The following NACC2 variants were observed in gnomAD, a reference collection of about 807,000 sequenced individuals.
NACC2 encodes the protein nucleus accumbens-associated protein 2.
In NACC2, 8 loss-of-function variants were observed where a neutral mutation model predicts 25.1. The ratio of observed to expected loss-of-function variants is 0.32; its 90% CI spans 0.19 to 0.57. The LOEUF is 0.57. Ranked by LOEUF, NACC2 falls within the 20% of genes least tolerant of loss-of-function variation. The pLI is 0.89. For missense variants in NACC2, 644 were observed against 650.2 expected (o/e 0.99, Z 0.10); for synonymous variants, 435 against 294.7 (o/e 1.48, Z -4.88).
At chr9:136,077,783 A>G (rs908245114) in intron 1 of NACC2, among the ~76,000 whole-genome samples, 1 of 152,232 alleles carries the variant, frequency 6.6e-6, no homozygotes, top group African/African-American at 2.4e-5. Flanking sequence ...GCTTAAAATT[A>G]TTTATAAAGT....
intron 2 of NACC2, among the ~76,000 whole-genome samples, chr9:136,031,831 C>T (rs1840478620): frequency 6.6e-6 from 1 of 152,236 alleles, no homozygotes; most frequent in African/African-American, 2.4e-5. Context: ...ACCGATTTAA[C>T]CCACATGGCT....
At position 136,022,616 on chromosome 9, in the gene NACC2, G is replaced by A. The variant is rs1244254959; in HGVS notation, c.887-6187C>T. On this transcript the variant is annotated intron_variant, in intron 2 of 5. Coordinates refer to ENST00000277554, the MANE Select transcript of NACC2 (RefSeq NM_144653.5). The surrounding 1 kb of genome is among the most constrained non-coding windows in gnomAD (Gnocchi z 4.4). ...CCAGTGAGCCTGTTCTGGGTCCAGT[G>A]CTTCTGGCAGTGAGGGGGGCTCACC... 1.3e-5 allele frequency among the ~76,000 whole-genome samples: 2 copies of A among 152,178 alleles called. No homozygotes were observed. Among genetic ancestry groups the A allele is most frequent in the East Asian group, 3.9e-4 (2 of 5,182 alleles).
At chr9:136,043,907 C>A (rs1356038747) in intron 2 of NACC2, among the ~76,000 whole-genome samples, 1 of 152,150 alleles carries the variant, frequency 6.6e-6, no homozygotes, top group African/African-American at 2.4e-5. Context: ...CTCACTGCAG[C>A]CTCTGCCTCC....
At position 136,055,727 on chromosome 9, in the gene NACC2, C is replaced by T. The variant is rs1330672068; in HGVS notation, c.-59-5147G>A. ...GTTCTGGACCTCAGCAAATGCACAG[C>T]CATTAAACACGTGGTAGAGGAAGGA... On this transcript the variant is annotated intron_variant, in intron 1 of 5. Transcript: ENST00000277554. The surrounding 1 kb of genome is among the most constrained non-coding windows in gnomAD (Gnocchi z 4.9). 1.3e-5 allele frequency among the ~76,000 whole-genome samples: 2 copies of T among 152,176 alleles called. No homozygotes were observed. Among genetic ancestry groups the T allele is most frequent in the South Asian group, 4.1e-4 (2 of 4,834 alleles).
intron 2 of NACC2, among the ~76,000 whole-genome samples, chr9:136,047,215 A>ACACGGAGGG (rs1305138142): frequency 9.2e-5 from 14 of 152,270 alleles, no homozygotes; most frequent in Admixed American, 5.2e-4. Flanking sequence ...CGAGCCCGGG[A>ACACGGAGGG]CACGGAGGGC....
At position 136,084,607 on chromosome 9, in the gene NACC2, G is replaced by T. The variant is rs1476893951; in HGVS notation, c.-60+10582C>A. ...ATACACCAGGCTGGAAGAGCCCAGA[G>T]ACACAGCAAGACTCAAACAGACGCG... On this transcript the variant is annotated intron_variant, in intron 1 of 5. Coordinates refer to ENST00000277554, the MANE Select transcript of NACC2 (RefSeq NM_144653.5). This position sits in a 1 kb window ranked among gnomAD's most constrained non-coding sequence, Gnocchi z 5.1. Among the ~76,000 whole-genome samples the T allele has an allele frequency of 6.6e-6, 1 of 152,222 alleles. No homozygotes were observed. The highest frequency in any genetic ancestry group is 1.5e-5 in the Non-Finnish European group (1 of 68,042).
At chr9:136,041,790 T>C (rs1465698571) in intron 2 of NACC2, among the ~76,000 whole-genome samples, 1 of 152,190 alleles carries the variant, frequency 6.6e-6, no homozygotes, top group Non-Finnish European at 1.5e-5. Context: ...CATCTATGAA[T>C]GACATCCATA....
chr9:136,059,921 C>T (rs1840984515), intron 1 of NACC2, among the ~76,000 whole-genome samples: 1 of 152,242 alleles, frequency 6.6e-6, no homozygotes, highest in Non-Finnish European at 1.5e-5. Context: ...GATGTCCTGA[C>T]CAGCAGAGAG....
intron 5 of NACC2, 146 bp from the exon 6 acceptor site, chr9:136,012,170 G>A: frequency 9.6e-7 from 1 of 1,038,906 alleles, no homozygotes; most frequent in Non-Finnish European, 1.3e-6. Flanking sequence ...CCTGGCCTCA[G>A]CCAGAAGACC....
chr9:136,083,193 T>C (rs1241759998), intron 1 of NACC2, among the ~76,000 whole-genome samples: 1 of 152,182 alleles, frequency 6.6e-6, no homozygotes. Context: ...GAAGAGCCAG[T>C]GGCCACAGGG....
intron 1 of NACC2, among the ~76,000 whole-genome samples, chr9:136,080,858 A>T (rs11103318): frequency 0.54 from 81,738 of 151,948 alleles, 23,571 homozygotes; most frequent in South Asian, 0.66. Context: ...AACTCCAGCC[A>T]GCTGCATCAG....
chr9:136,087,056 G>C (rs961742595), intron 1 of NACC2, among the ~76,000 whole-genome samples: 6 of 152,252 alleles, frequency 3.9e-5, no homozygotes, highest in Non-Finnish European at 7.3e-5. Flanking sequence ...GAAGGGAGAA[G>C]TTTGGACACA....
rs531735234 is a variant in NACC2, at chr9:136,060,055, G to A, written c.-59-9475C>T. Among the ~76,000 whole-genome samples, 75 of 152,370 alleles carry A rather than the reference G, an allele frequency of 4.9e-4. 1 individual carries two copies. The highest frequency in any genetic ancestry group is 1.8e-3 in the African/African-American group (75 of 41,588). On this transcript the variant is annotated intron_variant, in intron 1 of 5. Transcript: ENST00000277554. ...CATGAGACAGGGATGCAGAGATGCCGGCTGCCCGCATCTGCCCTGGCGGCA... is the reference window on the plus strand; with the variant it reads ...CATGAGACAGGGATGCAGAGATGCCAGCTGCCCGCATCTGCCCTGGCGGCA...
rs1840231183 is a variant in NACC2, at chr9:136,018,181, C to G, written c.887-1752G>C. On this transcript the variant is annotated intron_variant, in intron 2 of 5. Transcript: ENST00000277554. This position sits in a 1 kb window ranked among gnomAD's most constrained non-coding sequence, Gnocchi z 4.4. ...TCAGAGGCAGGTGCACCTGGCCATGCTGTCCCTGTTCCCAGTCCCTCCATG... is the reference window on the plus strand; with the variant it reads ...TCAGAGGCAGGTGCACCTGGCCATGGTGTCCCTGTTCCCAGTCCCTCCATG... Among the ~76,000 whole-genome samples the G allele has an allele frequency of 6.6e-6, 1 of 152,140 alleles. No homozygotes were observed. Among genetic ancestry groups the G allele is most frequent in the Non-Finnish European group, 1.5e-5 (1 of 67,988 alleles).
At position 136,019,210 on chromosome 9, in the gene NACC2, C is replaced by T. The variant is rs1027603147; in HGVS notation, c.887-2781G>A. On this transcript the variant is annotated intron_variant, in intron 2 of 5. Coordinates refer to ENST00000277554, the MANE Select transcript of NACC2 (RefSeq NM_144653.5). The surrounding 1 kb of genome is among the most constrained non-coding windows in gnomAD (Gnocchi z 5.2). ...CTTCAAGGTCCAGGCTACAACTGGGCTTTAACGGAGAACCCGCAGAGAGAC... is the reference window on the plus strand; with the variant it reads ...CTTCAAGGTCCAGGCTACAACTGGGTTTTAACGGAGAACCCGCAGAGAGAC... 6.6e-6 allele frequency: 1 copy of T among 152,290 alleles called. No individual in the cohort carries two copies. The highest frequency in any genetic ancestry group is 1.5e-5 in the Non-Finnish European group (1 of 68,078). The allele number at this position is 152,290 out of a possible 1,614,324, so 9.4% of individuals were successfully genotyped here. A position where few individuals can be genotyped will look rare whatever the true frequency, so the allele number is the denominator to read the frequency against.
At chr9:136,042,476 G>C (rs930016933) in intron 2 of NACC2, among the ~76,000 whole-genome samples, 1 of 152,088 alleles carries the variant, frequency 6.6e-6, no homozygotes. Context: ...GGTGTGAAGG[G>C]AATTCAGTGG....
At chr9:136,063,355 T>A (rs2385188) in intron 1 of NACC2, among the ~76,000 whole-genome samples, 7 of 152,224 alleles carry the variant, frequency 4.6e-5, no homozygotes, top group African/African-American at 1.7e-4. Context: ...GCTCGAGTCC[T>A]GTGCCTATTG....
chr9:136,090,812 C>T (rs536141017), intron 1 of NACC2, among the ~76,000 whole-genome samples: 8 of 152,266 alleles, frequency 5.3e-5, no homozygotes, highest in South Asian at 2.1e-4. Flanking sequence ...CTCGGGGCCC[C>T]GGTGGCTGAG....
At chr9:136,082,317 G>C (rs954126777) in intron 1 of NACC2, among the ~76,000 whole-genome samples, 4 of 152,248 alleles carry the variant, frequency 2.6e-5, no homozygotes, top group Non-Finnish European at 5.9e-5. Context: ...GCCACCCCAA[G>C]GCCAAGTCCG....
Sources: allele counts gnomAD v4.1 joint callset (sites outside exome capture counted in the v4.1 genomes callset), GRCh38; gene constraint gnomAD v4.1.1; non-coding constraint Gnocchi (gnomAD v3.1); transcripts MANE v1.5; gene names NCBI Gene and HGNC (gene_info 2026-07-23, HGNC 2026-07-21).